Variants in DNAH11 observed in about 807,000 individuals in gnomAD.
DNAH11 encodes dynein axonemal heavy chain 11, also known as axonemal beta dynein heavy chain 11.
Under a neutral mutation model 526.0 loss-of-function variants are expected in DNAH11, and 442 were observed. The ratio of observed to expected loss-of-function variants is 0.84; its 90% CI spans 0.78 to 0.91. The LOEUF is 0.91. Among genes scored for constraint, DNAH11 ranks in the 40% least tolerant of loss-of-function variants. The probability of loss-of-function intolerance (pLI) is 0.00; values close to 1 mark genes in which losing one functional copy is unlikely to be tolerated. For synonymous variants in DNAH11, 2,461 were observed against 1,935.9 expected (o/e 1.27, Z -7.12); for missense variants, 6,989 against 5,448.7 (o/e 1.28, Z -8.90).
rs987686264 is a variant in DNAH11, at chr7:21,860,213, T to C, written c.11203-1640T>C. Among the ~76,000 whole-genome samples, 8 of 152,126 alleles carry C rather than the reference T, an allele frequency of 5.3e-5. No homozygotes were observed. The South Asian group carries it at 1.7e-3, about 32-fold the overall frequency. ...CAAACATATGAAAAAATACTCAACA[T>C]TAACAATTTTTAGGGAGATGCAACT... is the stretch of plus-strand genomic sequence containing the variant. On this transcript the variant is annotated intron_variant, in intron 68 of 81. Coordinates refer to ENST00000409508, the MANE Select transcript of DNAH11 (RefSeq NM_001277115.2).
At chr7:21,737,084 T>A (rs1785649633) in intron 46 of DNAH11, among the ~76,000 whole-genome samples, 1 of 152,198 alleles carries the variant, frequency 6.6e-6, no homozygotes, top group Non-Finnish European at 1.5e-5. Flanking sequence ...TAGAAAGAGC[T>A]GTAGTTGTCA....
intron 62 of DNAH11, among the ~76,000 whole-genome samples, chr7:21,806,579 A>G (rs768000674): frequency 3.4e-4 from 52 of 152,294 alleles, no homozygotes; most frequent in Admixed American, 1.6e-3. Flanking sequence ...TGGCATTCCA[A>G]TCCATTCTGA....
chr7:21,729,443 C>G (rs1205554614), intron 45 of DNAH11, among the ~76,000 whole-genome samples: 3 of 152,226 alleles, frequency 2.0e-5, no homozygotes, highest in Non-Finnish European at 4.4e-5. Flanking sequence ...TATGGACAAG[C>G]TGAGAATTTC....
chr7:21,801,084 ATC>A, intron 61 of DNAH11, 51 bp from the exon 62 acceptor site: 5 of 1,545,992 alleles, frequency 3.2e-6, no homozygotes, highest in Non-Finnish European at 1.8e-6. Context: ...GATGATGGTA[ATC>A]TCTCTGTTTT....
intron 45 of DNAH11, among the ~76,000 whole-genome samples, chr7:21,730,584 A>G (rs776887849): frequency 6.2e-4 from 95 of 152,190 alleles, no homozygotes; most frequent in Non-Finnish European, 1.1e-3. Flanking sequence ...AGTAAAATAA[A>G]TCAGACACAG....
At chr7:21,559,205 C>T (rs879883971) in intron 3 of DNAH11, among the ~76,000 whole-genome samples, 1 of 152,154 alleles carries the variant, frequency 6.6e-6, no homozygotes, top group East Asian at 1.9e-4. Context: ...TAATATCACA[C>T]CTCTAGCAAA....
At chr7:21,644,322 T>A (rs368796344) in intron 28 of DNAH11, among the ~76,000 whole-genome samples, 1 of 152,180 alleles carries the variant, frequency 6.6e-6, no homozygotes, top group East Asian at 1.9e-4. Context: ...AGTAAAAGTG[T>A]CTCAGCATAT....
chr7:21,812,046 A>G (rs1789548169), intron 63 of DNAH11, among the ~76,000 whole-genome samples: 1 of 152,112 alleles, frequency 6.6e-6, no homozygotes, highest in African/African-American at 2.4e-5. Context: ...TTCTGATATC[A>G]TCCCCTTCCT....
At chr7:21,628,369 G>A (rs1786449986) in intron 25 of DNAH11, among the ~76,000 whole-genome samples, 2 of 152,040 alleles carry the variant, frequency 1.3e-5, no homozygotes. Context: ...TCTTGTTCCA[G>A]ATCTTAGAGG....
At chr7:21,877,874 CAAAAAA>C (rs59694030) in intron 74 of DNAH11, among the ~76,000 whole-genome samples, 6 of 66,612 alleles carry the variant, frequency 9.0e-5, no homozygotes, top group East Asian at 4.8e-4. Context: ...GACTCCATCT[CAAAAAA>C]AAAAAAAAAA....
rs780334924 is a variant in DNAH11, at chr7:21,861,994, C to G, written c.11344C>G (p.Leu3782Val). The G allele has an allele frequency of 3.7e-6, 6 of 1,613,070 alleles. 1 individual carries two copies. The highest frequency in any genetic ancestry group is 3.3e-5 in the Admixed American group (2 of 59,894). ...CCAGGCGCTGTTTGAGAAGGACAAG[C>G]TCACCTTCCTGTCCCAGATGGCTTT... ...TSQALFEKDK[L>V]TFLSQMAFQI... is the part of the protein sequence containing the mutation. The change falls in exon 69 of 82, where the codon CTC becomes GTC. Residue 3782 changes from leucine to valine, a missense_variant. Transcript: ENST00000409508.
In DNAH11 at chr7:21,705,422, C is replaced by T. The variant is rs758434349; in HGVS notation, c.6469-38C>T. On this transcript the variant is annotated intron_variant, in intron 38 of 81. Transcript: ENST00000409508. ...GTAGATTATCTTTTTGTCACCAACT[C>T]CTTAAAGGAAACCAGCAACCAGCTG... 17 of 1,610,380 alleles carry T rather than the reference C, an allele frequency of 1.1e-5. No homozygotes were observed. In the African/African-American group the frequency reaches 1.3e-4, roughly 13 times the overall value.
In DNAH11 at chr7:21,873,453, A is replaced by T. The variant is rs1310179902; in HGVS notation, c.12147A>T (p.Pro4049=). The T allele has an allele frequency of 6.2e-7, 1 of 1,613,984 alleles. No homozygotes were observed. The highest frequency in any genetic ancestry group is 1.7e-5 in the Admixed American group (1 of 60,020). Residue 4049 remains proline, a synonymous_variant, in exon 74 of 82, where the codon CCA becomes CCT. Coordinates refer to ENST00000409508, the MANE Select transcript of DNAH11 (RefSeq NM_001277115.2). ...ENSIKITNEP[P]TGMLANLHAA... is the part of the protein sequence containing the mutation. ...CCATTAAGATCACTAATGAACCCCC[A>T]ACAGGGATGCTGGCCAATTTGCATG...
intron 71 of DNAH11, among the ~76,000 whole-genome samples, 163 bp from the exon 72 acceptor site, chr7:21,867,696 C>T (rs899192637): frequency 1.3e-5 from 2 of 152,174 alleles, no homozygotes; most frequent in Admixed American, 1.3e-4. Flanking sequence ...ACACACCTAC[C>T]GCATACATCT....
intron 2 of DNAH11, among the ~76,000 whole-genome samples, chr7:21,546,406 T>A (rs1306512539): frequency 6.6e-6 from 1 of 152,206 alleles, no homozygotes; most frequent in Non-Finnish European, 1.5e-5. Flanking sequence ...GTGCTCAGAT[T>A]TTAATTGAAC....
At chr7:21,673,102 TTTATATAAATAAGAGAA>T (rs1171893819) in intron 30 of DNAH11, among the ~76,000 whole-genome samples, 1 of 152,224 alleles carries the variant, frequency 6.6e-6, no homozygotes, top group Non-Finnish European at 1.5e-5. Context: ...CATTTCTATG[TTTATATAAATAAGAGAA>T]TTCATAAGTG....
chr7:21,824,627 C>T (rs1258131135), intron 65 of DNAH11, among the ~76,000 whole-genome samples: 9 of 152,108 alleles, frequency 5.9e-5, no homozygotes, highest in Admixed American at 5.9e-4. Context: ...CATTAGTCAT[C>T]GGGAACATGC....
intron 65 of DNAH11, among the ~76,000 whole-genome samples, chr7:21,820,035 G>C (rs1372855415): frequency 1.3e-5 from 2 of 152,140 alleles, no homozygotes; most frequent in East Asian, 3.9e-4. Flanking sequence ...CCTTATGTGT[G>C]GGAACAACCA....
At chr7:21,573,458 A>C (rs1783970583) in intron 8 of DNAH11, among the ~76,000 whole-genome samples, 1 of 152,168 alleles carries the variant, frequency 6.6e-6, no homozygotes, top group African/African-American at 2.4e-5. Flanking sequence ...ACATGAATTA[A>C]CTAAAAGTTA....
Sources: gnomAD v4.1 joint callset for allele counts (sites outside exome capture counted in the v4.1 genomes callset) on GRCh38, gnomAD v4.1.1 for gene constraint, MANE v1.5 for transcripts, NCBI Gene and HGNC (gene_info 2026-07-23, HGNC 2026-07-21) for gene names.